ANKFN1: variants seen among roughly 807,000 people sequenced by gnomAD.
The protein encoded by ANKFN1 is ankyrin repeat and fibronectin type-III domain-containing protein 1.
ANKFN1 carries 74 observed loss-of-function variants against 108.7 expected under a neutral mutation model. The ratio of observed to expected loss-of-function variants is 0.68; its 90% CI spans 0.56 to 0.83. ANKFN1 has a LOEUF of 0.83. Ranked by LOEUF, ANKFN1 falls within the 40% of genes least tolerant of loss-of-function variation. ANKFN1 has a pLI of 0.00. For synonymous variants in ANKFN1, 547 were observed against 516.2 expected, an observed-to-expected ratio of 1.06 and a Z score of -0.81; for missense variants, 1,505 against 1,382.3, an observed-to-expected ratio of 1.09 and a Z score of -1.41.
chr17:56,400,335 A>T (rs1358973240), intron 8 of ANKFN1, among the ~76,000 whole-genome samples: 1 of 152,116 alleles, frequency 6.6e-6, no homozygotes, highest in East Asian at 1.9e-4. Flanking sequence ...CCTGATCATT[A>T]GTGTTGTTGA....
chr17:56,472,595 T>G (rs2050358307), intron 15 of ANKFN1: 1 of 152,222 alleles, frequency 6.6e-6, no homozygotes, highest in Admixed American at 6.5e-5. Context: ...TACCAGACAC[T>G]CTTCTAGGTG....
At chr17:56,064,325 C>T (rs564991702) in intron 4 of ANKFN1, among the ~76,000 whole-genome samples, 2 of 152,308 alleles carry the variant, frequency 1.3e-5, no homozygotes, top group South Asian at 2.1e-4. Flanking sequence ...TCTGTACTAA[C>T]AGGAGGAAAG....
chr17:56,467,811 A>AAAAAGAAAG lies in ANKFN1; in HGVS notation c.1773+1242_1773+1243insAAGAAAGAA, dbSNP rs1568026550. Among the ~76,000 whole-genome samples, 54 of 36,478 alleles carry AAAAAGAAAG rather than the reference A, an allele frequency of 1.5e-3. 3 individuals are homozygous for AAAAAGAAAG. Among genetic ancestry groups the AAAAAGAAAG allele is most frequent in the African/African-American group, 6.4e-3 (41 of 6,366 alleles). The allele number at this position is 36,478 out of a possible 152,430, so 23.9% of individuals were successfully genotyped here. On this transcript the variant is annotated intron_variant, in intron 15 of 20. Coordinates refer to ENST00000682825, the MANE Select transcript of ANKFN1 (RefSeq NM_001370326.1). ...AGAAAGAAGAAAGAAAGAAAGAAAG[A>AAAAAGAAAG]AAGAAAGAAAGAAAGAAAGAAAGAA...
chr17:56,460,452 AAAAAT>A (rs61400496), intron 14 of ANKFN1, among the ~76,000 whole-genome samples: 3 of 151,110 alleles, frequency 2.0e-5, no homozygotes, highest in South Asian at 2.1e-4. Context: ...GACCTTGTCT[AAAAAT>A]AAAATAAAAT....
chr17:56,164,392 A>G (rs1909960254), intron 1 of ANKFN1, among the ~76,000 whole-genome samples: 1 of 152,012 alleles, frequency 6.6e-6, no homozygotes, highest in Non-Finnish European at 1.5e-5. Context: ...ATCTGTTCTC[A>G]TGTTGTACCC....
At chr17:56,284,965 A>G (rs1314164258) in intron 3 of ANKFN1, among the ~76,000 whole-genome samples, 1 of 152,166 alleles carries the variant, frequency 6.6e-6, no homozygotes, top group Admixed American at 6.5e-5. Context: ...AAAGAACCTA[A>G]ATTACCTGGA....
At chr17:56,201,671 G>GAAA (rs200036417) in intron 1 of ANKFN1, among the ~76,000 whole-genome samples, 1 of 145,912 alleles carries the variant, frequency 6.9e-6, no homozygotes, top group South Asian at 2.2e-4. Context: ...TGTTATTTGT[G>GAAA]AAAAAAAAAA....
rs531904902 is a variant in ANKFN1, at chr17:56,240,638, T to A, written c.53+12681T>A. 2.0e-5 allele frequency among the ~76,000 whole-genome samples: 3 copies of A among 152,264 alleles called. No individual in the cohort carries two copies. The South Asian group carries it at 6.2e-4, about 32-fold the overall frequency. ...CCTCCTAGGGTTGACCAGTTTACAT[T>A]CCTATGAGCAGGTCATGTAAGTTTC... On this transcript the variant is annotated intron_variant, in intron 3 of 20. Transcript: ENST00000682825.
intron 20 of ANKFN1, among the ~76,000 whole-genome samples, chr17:56,508,173 G>A (rs2051629505): frequency 6.6e-6 from 1 of 152,106 alleles, no homozygotes; most frequent in Admixed American, 6.5e-5. Context: ...CTTCCCAGCT[G>A]GCCTCCCTGC....
intron 14 of ANKFN1, chr17:56,464,009 C>T (rs1217702627): frequency 6.6e-6 from 1 of 152,170 alleles, no homozygotes; most frequent in Non-Finnish European, 1.5e-5. Context: ...ATCAGGAGCC[C>T]TAGATCACCT....
At chr17:56,179,492 G>A (rs1033723319) in intron 1 of ANKFN1, among the ~76,000 whole-genome samples, 6 of 152,126 alleles carry the variant, frequency 3.9e-5, no homozygotes, top group Non-Finnish European at 8.8e-5. Context: ...CTAGAGGGGG[G>A]ATAAAAAAAC....
intron 4 of ANKFN1, among the ~76,000 whole-genome samples, chr17:56,109,442 C>G (rs1359022186): frequency 6.6e-6 from 1 of 152,168 alleles, no homozygotes; most frequent in African/African-American, 2.4e-5. Context: ...TACCGACCAG[C>G]TGCCAGTAGT....
intron 20 of ANKFN1, among the ~76,000 whole-genome samples, chr17:56,505,045 A>T (rs1178157902): frequency 6.6e-6 from 1 of 152,086 alleles, no homozygotes; most frequent in Non-Finnish European, 1.5e-5. Flanking sequence ...ACAGAAGCTA[A>T]ATGATTTGCT....
In ANKFN1 at chr17:56,192,006, C is replaced by T. The variant is rs571992780; in HGVS notation, c.-70-20592C>T. ...TACCCTTTCTTCCAGTTGATCGCAT[C>T]GGCTCCTGAGGCTTCTGCATTCTTC... On this transcript the variant is annotated intron_variant, in intron 1 of 20. Transcript: ENST00000682825. Among the ~76,000 whole-genome samples the T allele has an allele frequency of 1.5e-3, 226 of 152,146 alleles. 2 individuals carry two copies. The highest frequency in any genetic ancestry group is 5.1e-3 in the African/African-American group (211 of 41,498).
At chr17:56,334,495 T>C (rs1368211050) in intron 4 of ANKFN1, among the ~76,000 whole-genome samples, 1 of 152,140 alleles carries the variant, frequency 6.6e-6, no homozygotes, top group Admixed American at 6.6e-5. Flanking sequence ...TAATTATACC[T>C]CAAAAGACCT....
At chr17:56,321,816 A>G (rs994662547) in intron 3 of ANKFN1, among the ~76,000 whole-genome samples, 1 of 152,180 alleles carries the variant, frequency 6.6e-6, no homozygotes, top group Non-Finnish European at 1.5e-5. Context: ...GCCTAATGAT[A>G]AAAAGTAACT....
chr17:56,307,249 C>T (rs1164602459), intron 3 of ANKFN1, among the ~76,000 whole-genome samples: 1 of 152,186 alleles, frequency 6.6e-6, no homozygotes, highest in Non-Finnish European at 1.5e-5. Flanking sequence ...AACTGAGGAA[C>T]TTCTGCACAG....
chr17:56,266,476 C>G (rs2043654794), intron 3 of ANKFN1, among the ~76,000 whole-genome samples: 1 of 152,206 alleles, frequency 6.6e-6, no homozygotes, highest in Non-Finnish European at 1.5e-5. Context: ...ATAACCTACT[C>G]TGTGCACATT....
chr17:56,356,828 GA>G (rs756995258), intron 6 of ANKFN1, among the ~76,000 whole-genome samples: 1 of 152,100 alleles, frequency 6.6e-6, no homozygotes, highest in Non-Finnish European at 1.5e-5. Flanking sequence ...CAGGAACAAG[GA>G]GACCATTCAT....
Sources: gnomAD v4.1 joint callset for allele counts (sites outside exome capture counted in the v4.1 genomes callset) on GRCh38, gnomAD v4.1.1 for gene constraint, MANE v1.5 for transcripts, NCBI Gene and HGNC (gene_info 2026-07-23, HGNC 2026-07-21) for gene names.